MTBP: variants seen among roughly 807,000 people sequenced by gnomAD.
The protein encoded by MTBP is MDM2 binding protein.
Under a neutral mutation model 117.0 loss-of-function variants are expected in MTBP, and 101 were observed. The observed-to-expected ratio is 0.86, with a 90% CI of 0.73 to 1.02. The LOEUF (loss-of-function observed/expected upper bound fraction) is 1.02. Ranked by LOEUF, MTBP falls within the 50% of genes least tolerant of loss-of-function variation. The pLI is 0.00. For synonymous variants in MTBP, 350 were observed against 351.5 expected (o/e 1.00, Z 0.05); for missense variants, 970 against 1,030.9 (o/e 0.94, Z 0.81).
At chr8:120,482,263 A>G (rs1736872246) in intron 11 of MTBP, among the ~76,000 whole-genome samples, 2 of 152,204 alleles carry the variant, frequency 1.3e-5, no homozygotes, top group Admixed American at 1.3e-4. Context: ...TTGAGGCAGA[A>G]AAAAAATTGA....
At chr8:120,475,732 G>A (rs190346792) in intron 11 of MTBP, among the ~76,000 whole-genome samples, 4 of 151,988 alleles carry the variant, frequency 2.6e-5, no homozygotes, top group Non-Finnish European at 5.9e-5. Context: ...ATGAAATTAA[G>A]TCAACCTTAT....
chr8:120,459,008 G>A (rs1426617751), intron 7 of MTBP, among the ~76,000 whole-genome samples: 1 of 152,090 alleles, frequency 6.6e-6, no homozygotes, highest in East Asian at 1.9e-4. Flanking sequence ...AAGGACCAAC[G>A]AGAGCTTTTC....
At chr8:120,512,049 T>G (rs1350064099) in intron 17 of MTBP, among the ~76,000 whole-genome samples, 4 of 152,136 alleles carry the variant, frequency 2.6e-5, no homozygotes, top group Non-Finnish European at 5.9e-5. Flanking sequence ...CTCCCCCACT[T>G]TGTTTGATAA....
rs1813574428 is a variant in MTBP, at chr8:120,461,152, C to A, written c.883-9C>A. Reference sequence around the variant, plus strand: ...TTTAAATATTACACAATTTTAATTTCTTTTCTAGGTTTTCCATTATTATGG... The same window carrying A: ...TTTAAATATTACACAATTTTAATTTATTTTCTAGGTTTTCCATTATTATGG... On this transcript the variant is annotated splice_polypyrimidine_tract_variant and intron_variant, in intron 8 of 21. Transcript: ENST00000305949. 1.9e-6 allele frequency: 3 copies of A among 1,539,442 alleles called. No individual in the cohort carries two copies. The highest frequency in any genetic ancestry group is 2.3e-5 in the East Asian group (1 of 44,300).
rs559211027 is a variant in MTBP at position 120,484,603 on chromosome 8, C to A, written c.1166-3556C>A. Among the ~76,000 whole-genome samples, 18 of 152,174 alleles carry A rather than the reference C, an allele frequency of 1.2e-4. No individual in the cohort carries two copies. The South Asian group carries it at 3.7e-3, about 32-fold the overall frequency. On this transcript the variant is annotated intron_variant, in intron 11 of 21. Transcript: ENST00000305949. ...CTGTCAAGAACTTTCTTTTTGTGAG[C>A]AGAACTTTACATTCCTAAGATAATT...
rs752251172 is a variant in MTBP, at chr8:120,506,727, A to T, written c.1749A>T (p.Ser583=). The change falls in exon 16 of 22, where the codon TCA becomes TCT. Residue 583 remains serine (S), a synonymous_variant. Coordinates refer to ENST00000305949, the MANE Select transcript of MTBP (RefSeq NM_022045.5). The part of the protein sequence containing the change: ...QKMRTGSLPH[S]SEQLLGHKEG... ...CCAGAACTGGTTCATTACCTCATTC[A>T]TCTGAACAGTTGCTGGGCCACAAAG... 6.2e-7 allele frequency: 1 copy of T among 1,611,056 alleles called. No individual in the cohort carries two copies. Among genetic ancestry groups the T allele is most frequent in the South Asian group, 1.1e-5 (1 of 90,492 alleles).
At chr8:120,504,275 C>G (rs1814648849) in intron 15 of MTBP, among the ~76,000 whole-genome samples, 1 of 152,134 alleles carries the variant, frequency 6.6e-6, no homozygotes, top group South Asian at 2.1e-4. Flanking sequence ...TAGATGATAT[C>G]TTATAACTTC....
At chr8:120,475,814 G>A (rs1813921590) in intron 11 of MTBP, among the ~76,000 whole-genome samples, 2 of 151,850 alleles carry the variant, frequency 1.3e-5, no homozygotes, top group Admixed American at 1.3e-4. Flanking sequence ...AAAAATGGCT[G>A]GCTTGCCGTG....
chr8:120,467,271 C>G (rs1017457010), intron 10 of MTBP, among the ~76,000 whole-genome samples: 1 of 152,160 alleles, frequency 6.6e-6, no homozygotes, highest in Non-Finnish European at 1.5e-5. Context: ...AACATGATTT[C>G]CACAATGACT....
intron 10 of MTBP, among the ~76,000 whole-genome samples, chr8:120,464,313 G>C (rs1224999081): frequency 6.6e-6 from 1 of 151,804 alleles, no homozygotes; most frequent in Non-Finnish European, 1.5e-5. Context: ...ACAATATAAA[G>C]AATTTTAAGT....
intron 11 of MTBP, among the ~76,000 whole-genome samples, chr8:120,478,050 A>G (rs539408288): frequency 6.6e-6 from 1 of 152,346 alleles, no homozygotes; most frequent in South Asian, 2.1e-4. Flanking sequence ...TGGCACATAT[A>G]CACCATGGAA....
At chr8:120,515,565 T>C (rs1032320011) in intron 17 of MTBP, among the ~76,000 whole-genome samples, 1 of 152,058 alleles carries the variant, frequency 6.6e-6, no homozygotes, top group Non-Finnish European at 1.5e-5. Context: ...CAGCAGTTCA[T>C]GTTGTCATAT....
chr8:120,466,388 G>A (rs1235233644), intron 10 of MTBP, among the ~76,000 whole-genome samples: 2 of 150,362 alleles, frequency 1.3e-5, no homozygotes, highest in African/African-American at 4.9e-5. Context: ...ATTTTTTTTT[G>A]TATATTTAGT....
intron 1 of MTBP, among the ~76,000 whole-genome samples, 190 bp downstream of exon 1, chr8:120,445,778 A>T (rs943357657): frequency 6.6e-6 from 1 of 152,182 alleles, no homozygotes; most frequent in African/African-American, 2.4e-5. Flanking sequence ...AAATTTGTGG[A>T]TGCAAGATTC....
chr8:120,457,993 G>C (rs1813507231), intron 7 of MTBP, among the ~76,000 whole-genome samples: 1 of 151,262 alleles, frequency 6.6e-6, no homozygotes, highest in Non-Finnish European at 1.5e-5. Flanking sequence ...CCAAGTGGAA[G>C]AGTGGAAGAT....
chr8:120,488,203 T>G lies in MTBP; in HGVS notation c.1210T>G (p.Leu404Val). Residue 404 changes from leucine to valine, a missense_variant, in exon 12 of 22, where the codon TTG (leucine) becomes GTG (valine). Transcript: ENST00000305949. ...AGGAGAGTGTTCTAGCTATTATCTC[T>G]TGTTACAAGGTAATGGCAATAGAAG... The part of the protein sequence containing the change: ...VKGECSSYYL[L>V]LQGNGNRRCK... 6.3e-7 allele frequency: 1 copy of G among 1,594,016 alleles called. No individual in the cohort carries two copies. The highest frequency in any genetic ancestry group is 8.5e-7 in the Non-Finnish European group (1 of 1,173,132).
rs142484128 is a variant in MTBP at position 120,492,755 on chromosome 8, G to T, written c.1447+2185G>T. On this transcript the variant is annotated intron_variant, in intron 13 of 21. Coordinates refer to ENST00000305949, the MANE Select transcript of MTBP (RefSeq NM_022045.5). ...TTTAAAATAACACGAAATAAAATTTGTTAGGGCTTATTTTTTAAAATTAGT... is the reference window on the plus strand; with the variant it reads ...TTTAAAATAACACGAAATAAAATTTTTTAGGGCTTATTTTTTAAAATTAGT... 3.5e-3 allele frequency among the ~76,000 whole-genome samples: 531 copies of T among 152,110 alleles called. 1 individual carries two copies. The highest frequency in any genetic ancestry group is 6.8e-3 in the Middle Eastern group (2 of 292).
At chr8:120,450,905 T>C (rs1207062936) in intron 2 of MTBP, 98 bp from the exon 3 acceptor site, 4 of 772,994 alleles carry the variant, frequency 5.2e-6, no homozygotes, top group Non-Finnish European at 8.3e-6. Context: ...TTATGTAATA[T>C]GTTTCAAAAG....
chr8:120,480,761 T>C (rs1185346040), intron 11 of MTBP, among the ~76,000 whole-genome samples: 2 of 152,060 alleles, frequency 1.3e-5, no homozygotes, highest in African/African-American at 4.8e-5. Flanking sequence ...TATAACTTAA[T>C]TCAAGAGCTA....
Sources: gnomAD v4.1 joint callset for allele counts (sites outside exome capture counted in the v4.1 genomes callset) on GRCh38, gnomAD v4.1.1 for gene constraint, MANE v1.5 for transcripts, NCBI Gene and HGNC (gene_info 2026-07-23, HGNC 2026-07-21) for gene names.